The following FAM13C variants were observed in gnomAD, a reference collection of about 807,000 sequenced individuals.
FAM13C encodes the protein family with sequence similarity 13 member C.
A neutral mutation model predicts 73.2 loss-of-function variants in FAM13C; 37 were observed. That is an observed-to-expected ratio of 0.51 (90% CI 0.39 to 0.67). The LOEUF (loss-of-function observed/expected upper bound fraction) is 0.67, where lower values mean the gene tolerates loss of function less well. Among genes scored for constraint, FAM13C ranks in the 30% least tolerant of loss-of-function variants. The pLI is 0.00. For missense variants in FAM13C, 589 were observed against 715.6 expected, an observed-to-expected ratio of 0.82 and a Z score of 2.02; for synonymous variants, 246 against 260.9, an observed-to-expected ratio of 0.94 and a Z score of 0.55.
chr10:59,310,929 T>C (rs955599678), intron 4 of FAM13C, among the ~76,000 whole-genome samples: 7 of 152,098 alleles, frequency 4.6e-5, no homozygotes, highest in African/African-American at 1.4e-4. Context: ...GGATTCCTAA[T>C]TGGGGAACGC....
At position 59,252,966 on chromosome 10, in the gene FAM13C, T is replaced by C. The variant is rs376088168; in HGVS notation, c.1365A>G (p.Pro455=). 1.4e-5 allele frequency: 22 copies of C among 1,613,822 alleles called. No individual in the cohort carries two copies. Among genetic ancestry groups the C allele is most frequent in the Non-Finnish European group, 1.9e-5 (22 of 1,179,996 alleles). The change falls in exon 12 of 14, where the codon CCA becomes CCG. Residue 455 remains proline (P), a synonymous_variant. Coordinates refer to ENST00000618804, the MANE Select transcript of FAM13C (RefSeq NM_198215.4). ...CCAAAGAAGGTTGTTGGCTTCCCTGTGGACGGTCTTCATCAGAGTCCTCTT... is the reference window on the plus strand; with the variant it reads ...CCAAAGAAGGTTGTTGGCTTCCCTGCGGACGGTCTTCATCAGAGTCCTCTT... ...QEEEDSDEDR[P]QGSQQPSLAD...
chr10:59,269,790 C>A (rs776959373), intron 7 of FAM13C, 109 bp downstream of exon 7: 96 of 1,297,074 alleles, frequency 7.4e-5, no homozygotes, highest in Non-Finnish European at 9.9e-5. Flanking sequence ...CTCGCAGTTG[C>A]GTTAGGCAGG....
intron 4 of FAM13C, among the ~76,000 whole-genome samples, chr10:59,310,239 T>A (rs1368929786): frequency 6.6e-6 from 1 of 152,192 alleles, no homozygotes; most frequent in Non-Finnish European, 1.5e-5. Context: ...ATACTTGGGA[T>A]ACACTAATGT....
intron 9 of FAM13C, among the ~76,000 whole-genome samples, chr10:59,263,537 A>T (rs1307599811): frequency 2.0e-4 from 31 of 152,016 alleles, no homozygotes; most frequent in Admixed American, 2.0e-3. Context: ...GAAGAAAATA[A>T]TTTTTTATTG....
intron 1 of FAM13C, among the ~76,000 whole-genome samples, chr10:59,357,817 C>G (rs567851446): frequency 1.6e-4 from 25 of 152,216 alleles, no homozygotes; most frequent in African/African-American, 5.5e-4. Flanking sequence ...GAATCCTGCC[C>G]TAAGAAATTC....
chr10:59,265,208 T>C (rs1188518767), intron 8 of FAM13C, among the ~76,000 whole-genome samples: 1 of 151,884 alleles, frequency 6.6e-6, no homozygotes, highest in Admixed American at 6.6e-5. Context: ...TTAAAAACCA[T>C]ACATTTTAAA....
At position 59,302,691 on chromosome 10, in the gene FAM13C, G is replaced by A. The variant is rs945146327; in HGVS notation, c.507+110C>T. 8.7e-6 allele frequency: 9 copies of A among 1,030,260 alleles called. No homozygotes were observed. The African/African-American group carries it at 9.6e-5, about 11-fold the overall frequency. The allele number at this position is 1,030,260 out of a possible 1,614,324, so 63.8% of individuals were successfully genotyped here. A position where few individuals can be genotyped will look rare whatever the true frequency, so the allele number is the denominator to read the frequency against. On this transcript the variant is annotated intron_variant, in intron 5 of 13. Transcript: ENST00000618804. ...ATAAGTATTACAAGTTCACTTAAAA[G>A]CAAAAATACTAAGTTTTCATGAGAA...
chr10:59,344,525 G>A (rs1014628826), intron 3 of FAM13C, among the ~76,000 whole-genome samples: 2 of 151,342 alleles, frequency 1.3e-5, no homozygotes, highest in African/African-American at 2.4e-5. Context: ...CTCGTGATCC[G>A]CCCGTCTCAG....
intron 3 of FAM13C, among the ~76,000 whole-genome samples, chr10:59,326,147 T>C (rs1564587872): frequency 6.6e-6 from 1 of 152,220 alleles, no homozygotes; most frequent in East Asian, 1.9e-4. Flanking sequence ...CTAGGATGTA[T>C]CTTAGATATG....
chr10:59,355,767 G>T (rs1855631987), intron 2 of FAM13C, 120 bp downstream of exon 2: 2 of 1,037,338 alleles, frequency 1.9e-6, no homozygotes, highest in Non-Finnish European at 2.9e-6. Flanking sequence ...TAGTAGAAGA[G>T]ATGAGACATG....
intron 5 of FAM13C, among the ~76,000 whole-genome samples, chr10:59,295,773 C>CT (rs1420384696): frequency 6.6e-6 from 1 of 152,102 alleles, no homozygotes; most frequent in African/African-American, 2.4e-5. Context: ...AGGGGCTGAC[C>CT]TAAATAAAGA....
chr10:59,301,434 G>T (rs2133854520), intron 5 of FAM13C, among the ~76,000 whole-genome samples: 1 of 152,306 alleles, frequency 6.6e-6, no homozygotes, highest in East Asian at 1.9e-4. Flanking sequence ...CATGTCATTT[G>T]CAAACACAAT....
At chr10:59,291,962 A>G (rs564799039) in intron 5 of FAM13C, among the ~76,000 whole-genome samples, 239 of 151,716 alleles carry the variant, frequency 1.6e-3, no homozygotes, top group Non-Finnish European at 2.8e-3. Flanking sequence ...CGAATTTTTT[A>G]TATTTTTAGT....
chr10:59,360,808 C>A (rs1340334559), intron 1 of FAM13C, among the ~76,000 whole-genome samples: 1 of 126,804 alleles, frequency 7.9e-6, no homozygotes, highest in African/African-American at 2.9e-5. Flanking sequence ...TGTCCAAAGA[C>A]AAGGCACCAG....
At chr10:59,344,648 C>T (rs1183448785) in intron 3 of FAM13C, among the ~76,000 whole-genome samples, 1 of 151,986 alleles carries the variant, frequency 6.6e-6, no homozygotes, top group Non-Finnish European at 1.5e-5. Flanking sequence ...TAATCCTCAA[C>T]AACCTCTTAA....
At position 59,352,332 on chromosome 10, in the gene FAM13C, T is replaced by G; in HGVS notation, c.262A>C (p.Lys88Gln). The G allele has an allele frequency of 1.2e-6, 2 of 1,614,182 alleles. No homozygotes were observed. Among genetic ancestry groups the G allele is most frequent in the Non-Finnish European group, 1.7e-6 (2 of 1,180,024 alleles). The change falls in exon 3 of 14, where the codon AAG becomes CAG. Residue 88 changes from lysine to glutamine, a missense_variant. By Grantham distance (53) the Lys-to-Gln change is moderately conservative. Coordinates refer to ENST00000618804, the MANE Select transcript of FAM13C (RefSeq NM_198215.4). ...AAGATGGACTTGGGCTTCCTGGACT[T>G]GAAGTTGCCCATGCTGGGTCGCAAT... ...SVLRPSMGNFKSRKPKSIFKA... is the reference protein window; with the variant it reads ...SVLRPSMGNFQSRKPKSIFKA...
chr10:59,303,950 C>A (rs1458978875), intron 4 of FAM13C, among the ~76,000 whole-genome samples: 1 of 152,046 alleles, frequency 6.6e-6, no homozygotes, highest in Non-Finnish European at 1.5e-5. Flanking sequence ...GAGTTTGAGA[C>A]CAGCCTGGGC....
chr10:59,249,495 A>C (rs576519498), intron 13 of FAM13C, among the ~76,000 whole-genome samples: 31 of 152,170 alleles, frequency 2.0e-4, no homozygotes, highest in African/African-American at 7.5e-4. Flanking sequence ...CCATTATATA[A>C]AACATACTAA....
At chr10:59,362,806 A>AC (rs1856563685), upstream of FAM13C, 1 of 344,702 alleles carries the variant, frequency 2.9e-6, no homozygotes, top group Non-Finnish European at 5.2e-6. Flanking sequence ...TGTGCCAGCC[A>AC]CCCCCCGAGG....
Sources: gnomAD v4.1 joint callset for allele counts (sites outside exome capture counted in the v4.1 genomes callset) on GRCh38, gnomAD v4.1.1 for gene constraint, MANE v1.5 for transcripts, NCBI Gene and HGNC (gene_info 2026-07-23, HGNC 2026-07-21) for gene names.